The following PTPN5 variants were observed in gnomAD, a reference collection of about 807,000 sequenced individuals.
The protein encoded by PTPN5 is tyrosine-protein phosphatase non-receptor type 5.
In PTPN5, 29 loss-of-function variants were observed where a neutral mutation model predicts 73.9. That is an observed-to-expected ratio of 0.39 (90% confidence interval 0.29 to 0.54). The LOEUF is 0.54. Ranked by LOEUF, PTPN5 falls within the 20% of genes least tolerant of loss-of-function variation. The pLI is 0.65. For missense variants in PTPN5, 652 were observed against 751.4 expected, an observed-to-expected ratio of 0.87 and a Z score of 1.55; for synonymous variants, 267 against 304.7, an observed-to-expected ratio of 0.88 and a Z score of 1.29.
chr11:18,744,192 G>T lies in PTPN5; in HGVS notation c.105C>A (p.Pro35=). 1.3e-6 allele frequency: 2 copies of T among 1,549,416 alleles called. No individual in the cohort carries two copies. The highest frequency in any genetic ancestry group is 1.7e-6 in the Non-Finnish European group (2 of 1,151,528). The change falls in exon 4 of 15, where the codon CCC becomes CCA. Residue 35 remains proline (P), a synonymous_variant. Coordinates refer to ENST00000358540, the MANE Select transcript of PTPN5 (RefSeq NM_006906.2). ...CCAGTGCCTCCATCACTATCGGCTG[G>T]GGGAGACCTGTGGAAGATGGGCCAT... ...MCCSERLPGL[P]QPIVMEALDE...
chr11:18,745,750 C>T (rs1849590972), intron 3 of PTPN5, among the ~76,000 whole-genome samples: 1 of 152,224 alleles, frequency 6.6e-6, no homozygotes, highest in South Asian at 2.1e-4. Flanking sequence ...TAATTCTTCA[C>T]AGCACCCCTA....
At chr11:18,786,099 G>A (rs144828233) in intron 1 of PTPN5, among the ~76,000 whole-genome samples, 1 of 152,164 alleles carries the variant, frequency 6.6e-6, no homozygotes, top group Non-Finnish European at 1.5e-5. Flanking sequence ...TAAGAGTTTG[G>A]AAATTACTGA....
chr11:18,784,829 T>C (rs1851596169), intron 1 of PTPN5, among the ~76,000 whole-genome samples: 1 of 151,832 alleles, frequency 6.6e-6, no homozygotes, highest in African/African-American at 2.4e-5. Flanking sequence ...CTCTCCTTGG[T>C]TCCAACTCTT....
intron 8 of PTPN5, among the ~76,000 whole-genome samples, chr11:18,739,298 T>G (rs1406513139): frequency 6.6e-6 from 1 of 152,180 alleles, no homozygotes; most frequent in Non-Finnish European, 1.5e-5. Context: ...AGGATGTGAT[T>G]CTTTCTCGAA....
In PTPN5 at chr11:18,743,077, TG is replaced by T. The variant is rs748101878; in HGVS notation, c.400-3del. On this transcript the variant is annotated splice_region_variant and splice_polypyrimidine_tract_variant and intron_variant, in intron 5 of 14. Coordinates refer to ENST00000358540, the MANE Select transcript of PTPN5 (RefSeq NM_006906.2). ...CCACGTCCCAGAGTCAAGCCAGGCC[TG>T]GGGAACATCAGATAAACAGGTCAGG... 67 of 1,548,936 alleles carry T rather than the reference TG, an allele frequency of 4.3e-5. No homozygotes were observed. The highest frequency in any genetic ancestry group is 5.4e-5 in the Non-Finnish European group (62 of 1,144,600).
At chr11:18,771,099 G>C (rs1005616628) in intron 2 of PTPN5, among the ~76,000 whole-genome samples, 1 of 152,108 alleles carries the variant, frequency 6.6e-6, no homozygotes, top group Non-Finnish European at 1.5e-5. Context: ...GGGGGAACTG[G>C]GATGCTGAAG....
intron 1 of PTPN5, among the ~76,000 whole-genome samples, chr11:18,790,185 G>C (rs1289781015): frequency 6.6e-6 from 1 of 151,938 alleles, no homozygotes; most frequent in Non-Finnish European, 1.5e-5. Context: ...GAAACCACCC[G>C]AACCTGGTGT....
chr11:18,740,668 C>T lies in PTPN5; in HGVS notation c.850G>A (p.Val284Ile). Residue 284 changes from valine (V) to isoleucine (I), a missense_variant, in exon 8 of 15, where the codon GTC becomes ATC. Around this residue, in one of 3 missense-constraint regions of PTPN5, gnomAD observed 529 missense variants for 573.9 expected, o/e 0.92. Transcript: ENST00000358540. ...TCATGAAGCTCTTCTGCTTGGAGGA[C>T]ACGGGAGGCGCTGAGCAGGTACTCG... is the stretch of plus-strand genomic sequence containing the variant. ...AREYLLSASRVLQAEELHEKA... is the reference protein window; with the variant it reads ...AREYLLSASRILQAEELHEKA... 1.9e-6 allele frequency: 3 copies of T among 1,605,512 alleles called. No individual in the cohort carries two copies. The highest frequency in any genetic ancestry group is 1.3e-5 in the African/African-American group (1 of 74,566).
At chr11:18,756,648 C>T (rs557648444) in intron 3 of PTPN5, among the ~76,000 whole-genome samples, 2 of 151,728 alleles carry the variant, frequency 1.3e-5, no homozygotes, top group African/African-American at 2.4e-5. Flanking sequence ...ACCGGCCGGG[C>T]GCGGTGGCTC....
At chr11:18,739,196 A>G (rs567226142) in intron 8 of PTPN5, among the ~76,000 whole-genome samples, 1 of 152,302 alleles carries the variant, frequency 6.6e-6, no homozygotes, top group African/African-American at 2.4e-5. Context: ...AAATCAAAAT[A>G]AAAATACAAC....
chr11:18,730,954 A>C (rs1300488945), intron 12 of PTPN5, among the ~76,000 whole-genome samples: 1 of 152,056 alleles, frequency 6.6e-6, no homozygotes, highest in Middle Eastern at 3.2e-3. Context: ...ACATGCACAC[A>C]AGTGTTCCAT....
chr11:18,788,341 C>A (rs538218742), intron 1 of PTPN5, among the ~76,000 whole-genome samples: 6 of 152,110 alleles, frequency 3.9e-5, no homozygotes, highest in Non-Finnish European at 5.9e-5. Flanking sequence ...GTTTCTCCCC[C>A]ACTCAAAAAC....
chr11:18,776,006 T>C lies in PTPN5; in HGVS notation c.-113-3935A>G, dbSNP rs149764903. 3.3e-3 allele frequency among the ~76,000 whole-genome samples: 501 copies of C among 152,302 alleles called. 4 individuals are homozygous for C. Among genetic ancestry groups the C allele is most frequent in the African/African-American group, 0.012 (486 of 41,550 alleles). On this transcript the variant is annotated intron_variant, in intron 1 of 14. Transcript: ENST00000358540. ...GTGGATGGTCCTACCTGATTATAAA[T>C]GGTGCGGCGGTCACGGACCCAAAAG...
chr11:18,747,152 ATTTTTTTT>A (rs10618446), intron 3 of PTPN5, among the ~76,000 whole-genome samples: 1 of 148,166 alleles, frequency 6.7e-6, no homozygotes, highest in Non-Finnish European at 1.5e-5. Flanking sequence ...ACTTGGCTGC[ATTTTTTTT>A]TTTTTTTTGA....
At chr11:18,765,372 C>T (rs1850596119) in intron 3 of PTPN5, among the ~76,000 whole-genome samples, 1 of 152,106 alleles carries the variant, frequency 6.6e-6, no homozygotes, top group South Asian at 2.1e-4. Context: ...ACAGTTTCAC[C>T]CTCAAGCCGG....
At chr11:18,746,192 T>TATATATAC (rs550537453) in intron 3 of PTPN5, among the ~76,000 whole-genome samples, 5,721 of 102,380 alleles carry the variant, frequency 0.056, 452 homozygotes, top group Middle Eastern at 0.082. Context: ...TATATATATA[T>TATATATAC]ACATTTTTTT....
intron 3 of PTPN5, among the ~76,000 whole-genome samples, chr11:18,746,176 TATATATATATATATATACA>T (rs1260771465): frequency 9.3e-5 from 10 of 107,312 alleles, no homozygotes; most frequent in African/African-American, 2.7e-4. Flanking sequence ...TATATATATA[TATATATATATATATATACA>T]TTTTTTTTTT....
intron 1 of PTPN5, among the ~76,000 whole-genome samples, chr11:18,787,282 A>T (rs1436094755): frequency 6.6e-6 from 1 of 152,162 alleles, no homozygotes; most frequent in Non-Finnish European, 1.5e-5. Context: ...TATAAGTCTA[A>T]GATATGCAGT....
rs746564460 is a variant in PTPN5 at position 18,771,983 on chromosome 11, G to A, written c.-25C>T. 1 of 1,552,644 alleles carries A rather than the reference G, an allele frequency of 6.4e-7. No homozygotes were observed. The highest frequency in any genetic ancestry group is 1.2e-5 in the South Asian group (1 of 80,310). ...TTCCCAAGGTGTCTGGATGGGGAAGGGTGCCATCTTCCAGGGCAGGAAGCT... is the reference window on the plus strand; with the variant it reads ...TTCCCAAGGTGTCTGGATGGGGAAGAGTGCCATCTTCCAGGGCAGGAAGCT... On this transcript the variant is annotated 5_prime_UTR_variant, in exon 2 of 15. Coordinates refer to ENST00000358540, the MANE Select transcript of PTPN5 (RefSeq NM_006906.2).
Sources: gnomAD v4.1 joint callset for allele counts (sites outside exome capture counted in the v4.1 genomes callset) on GRCh38, gnomAD v4.1.1 for gene constraint, gnomAD v4.1.1 regional missense constraint, MANE v1.5 for transcripts, NCBI Gene and HGNC (gene_info 2026-07-23, HGNC 2026-07-21) for gene names.